The following LNX2 variants were observed in gnomAD, a reference collection of about 807,000 sequenced individuals.
LNX2 encodes the protein ligand of Numb protein X 2.
Under a neutral mutation model 66.2 loss-of-function variants are expected in LNX2, and 35 were observed. The ratio of observed to expected loss-of-function variants is 0.53; its 90% CI spans 0.40 to 0.70. The LOEUF (loss-of-function observed/expected upper bound fraction) is 0.70, where lower values mean the gene tolerates loss of function less well. Ranked by LOEUF, LNX2 falls within the 30% of genes least tolerant of loss-of-function variation. LNX2 has a pLI of 0.00. For missense variants in LNX2, 791 were observed against 850.8 expected, an observed-to-expected ratio of 0.93 and a Z score of 0.87; for synonymous variants, 337 against 315.6, an observed-to-expected ratio of 1.07 and a Z score of -0.72.
rs1344344163 is a variant in LNX2, at chr13:27,581,345, C to G, written c.359G>C (p.Cys120Ser). 3 of 1,552,638 alleles carry G rather than the reference C, an allele frequency of 1.9e-6. No individual in the cohort carries two copies. The highest frequency in any genetic ancestry group is 2.6e-6 in the Non-Finnish European group (3 of 1,146,526). ...LLVLCPFSSV[C>S]KDVMQRCDLE... ...ATCACAACGTTGCATTACATCTTTG[C>G]ACACTGAAGAAAATGGACATAAAAC... Residue 120 changes from cysteine (C) to serine (S), a missense_variant, in exon 2 of 10, where the codon TGC (cysteine) becomes TCC (serine). Transcript: ENST00000316334.
chr13:27,551,856 CAGCAAATCGCAGTGG>C (rs1305905023), intron 8 of LNX2, among the ~76,000 whole-genome samples: 1 of 152,136 alleles, frequency 6.6e-6, no homozygotes, highest in African/African-American at 2.4e-5. Context: ...TTGTATACCC[CAGCAAATCGCAGTGG>C]AAGAATCTCC....
chr13:27,586,989 G>A (rs943645121), intron 1 of LNX2, among the ~76,000 whole-genome samples: 6 of 152,084 alleles, frequency 3.9e-5, no homozygotes, highest in Non-Finnish European at 7.4e-5. Flanking sequence ...AAAGAACTAT[G>A]GTTTTCCACC....
At chr13:27,587,817 C>T (rs897369440) in intron 1 of LNX2, among the ~76,000 whole-genome samples, 8 of 152,048 alleles carry the variant, frequency 5.3e-5, no homozygotes, top group Admixed American at 1.3e-4. Flanking sequence ...GTCAGGAGAT[C>T]AAGACCATCC....
At chr13:27,598,596 G>A (rs1273752328) in intron 1 of LNX2, among the ~76,000 whole-genome samples, 1 of 150,892 alleles carries the variant, frequency 6.6e-6, no homozygotes, top group Non-Finnish European at 1.5e-5. Flanking sequence ...ACCCTGAGAT[G>A]GATACTATTC....
At chr13:27,614,342 A>G (rs1264476277) in intron 1 of LNX2, among the ~76,000 whole-genome samples, 1 of 152,156 alleles carries the variant, frequency 6.6e-6, no homozygotes, top group Admixed American at 6.5e-5. Flanking sequence ...CTTTTGAGAT[A>G]TCTGTTCAGG....
intron 1 of LNX2, among the ~76,000 whole-genome samples, chr13:27,618,775 G>A (rs1955854389): frequency 6.6e-6 from 1 of 152,214 alleles, no homozygotes; most frequent in Non-Finnish European, 1.5e-5. Context: ...AAGCCCATAT[G>A]CAAAGCTCGT....
At chr13:27,598,367 T>G (rs1319226483) in intron 1 of LNX2, among the ~76,000 whole-genome samples, 1 of 152,034 alleles carries the variant, frequency 6.6e-6, no homozygotes, top group Admixed American at 6.6e-5. Context: ...GGACAGAATA[T>G]TAGGATTTTT....
chr13:27,587,857 T>TA (rs1433769313), intron 1 of LNX2, among the ~76,000 whole-genome samples: 1 of 151,626 alleles, frequency 6.6e-6, no homozygotes, highest in Admixed American at 6.6e-5. Context: ...CCATCTCTAC[T>TA]AAAAATACAA....
At chr13:27,598,333 T>C (rs1955621581) in intron 1 of LNX2, among the ~76,000 whole-genome samples, 1 of 151,536 alleles carries the variant, frequency 6.6e-6, no homozygotes, top group Admixed American at 6.6e-5. Flanking sequence ...AAATTAGAAG[T>C]GAAAAAACAA....
intron 2 of LNX2, 22 bp from the exon 3 acceptor site, chr13:27,569,298 G>T (rs1390388376): frequency 1.3e-6 from 2 of 1,595,278 alleles, no homozygotes. Flanking sequence ...ATATCAGATG[G>T]TTTCCAGATG....
intron 5 of LNX2, among the ~76,000 whole-genome samples, chr13:27,561,567 AAG>A (rs1955136310): frequency 6.6e-6 from 1 of 152,182 alleles, no homozygotes; most frequent in Non-Finnish European, 1.5e-5. Context: ...CAATACAATA[AAG>A]AGAGTTGAGA....
rs751520558 is a variant in LNX2 at position 27,559,870 on chromosome 13, G to A, written c.1340C>T (p.Pro447Leu). The change falls in exon 6 of 10, where the codon CCG becomes CTG. Residue 447 changes from proline to leucine, a missense_variant. Coordinates refer to ENST00000316334, the MANE Select transcript of LNX2 (RefSeq NM_153371.4). ...ATGTGAGCTTGGTCTGCTATAATAC[G>A]GTGGTGGTGTGTGGTGCTGGCTGCT... ...SSSSQHHTPP[P>L]YYSRPSSHKD... 12 of 1,606,728 alleles carry A rather than the reference G, an allele frequency of 7.5e-6. No homozygotes were observed. The highest frequency in any genetic ancestry group is 5.5e-5 in the South Asian group (5 of 90,528).
chr13:27,569,250 A>G lies in LNX2; in HGVS notation c.434T>C (p.Val145Ala). The change falls in exon 3 of 10, where the codon GTT (valine) becomes GCT (alanine). Residue 145 changes from valine (V) to alanine (A), a missense_variant. Physicochemically the swap from Val to Ala is moderately conservative, Grantham distance 64 (BLOSUM62 0). Transcript: ENST00000316334. Reference sequence around the variant, plus strand: ...ACTAGTTTTCCTTCTCTCCAGGGCAACTCTCCGATGAGAAGCTCCAGGACA... The same window carrying G: ...ACTAGTTTTCCTTCTCTCCAGGGCAGCTCTCCGATGAGAAGCTCCAGGACA... ...NRCPGASHRR[V>A]ALERRKTSRT... The G allele has an allele frequency of 1.2e-6, 2 of 1,612,972 alleles. No individual in the cohort carries two copies. Among genetic ancestry groups the G allele is most frequent in the Non-Finnish European group, 1.7e-6 (2 of 1,179,576 alleles).
At chr13:27,586,780 T>A (rs1955491624) in intron 1 of LNX2, among the ~76,000 whole-genome samples, 1 of 152,254 alleles carries the variant, frequency 6.6e-6, no homozygotes, top group African/African-American at 2.4e-5. Context: ...TCTAACTGTA[T>A]AATCTATTTA....
Position 27,546,818 on chromosome 13 carries a change from G to T in LNX2, c.*1517C>A, listed in dbSNP as rs1954944887. The T allele has an allele frequency of 6.6e-6, 1 of 152,124 alleles. No individual in the cohort carries two copies. Among genetic ancestry groups the T allele is most frequent in the African/African-American group, 2.4e-5 (1 of 41,526 alleles). The allele number at this position is 152,124 out of a possible 1,614,324, so 9.4% of individuals were successfully genotyped here. A position where few individuals can be genotyped will look rare whatever the true frequency, so the allele number is the denominator to read the frequency against. On this transcript the variant is annotated 3_prime_UTR_variant, in exon 10 of 10. Transcript: ENST00000316334. ...TTCAAGTATGTATAATATTAATAAGGTAAAGATATTTTTATCTTATTCACT... is the reference window on the plus strand; with the variant it reads ...TTCAAGTATGTATAATATTAATAAGTTAAAGATATTTTTATCTTATTCACT...
intron 9 of LNX2, 141 bp downstream of exon 9, chr13:27,550,192 C>A: frequency 1.6e-6 from 1 of 644,644 alleles, no homozygotes. Context: ...GTACATAAAC[C>A]AGTAAGTGTA....
intron 5 of LNX2, among the ~76,000 whole-genome samples, chr13:27,560,745 T>G (rs1955125582): frequency 6.6e-6 from 1 of 152,042 alleles, no homozygotes; most frequent in Non-Finnish European, 1.5e-5. Flanking sequence ...TTTTAAATTA[T>G]AAGTCTAATT....
intron 1 of LNX2, among the ~76,000 whole-genome samples, chr13:27,616,992 C>T (rs1364556975): frequency 6.6e-6 from 1 of 152,182 alleles, no homozygotes; most frequent in Non-Finnish European, 1.5e-5. Flanking sequence ...CTCGTGATCG[C>T]CCGCCTCAGC....
intron 5 of LNX2, among the ~76,000 whole-genome samples, chr13:27,561,691 C>A (rs891248205): frequency 2.0e-5 from 3 of 152,168 alleles, no homozygotes; most frequent in African/African-American, 7.2e-5. Flanking sequence ...TTACATAATT[C>A]TTGGTTTCCT....
Sources: gnomAD v4.1 joint callset for allele counts (sites outside exome capture counted in the v4.1 genomes callset) on GRCh38, gnomAD v4.1.1 for gene constraint, MANE v1.5 for transcripts, NCBI Gene and HGNC (gene_info 2026-07-23, HGNC 2026-07-21) for gene names.